Variants in CDH6 observed in about 807,000 individuals in gnomAD.
The protein encoded by CDH6 is cadherin-6.
CDH6 carries 31 observed loss-of-function variants against 78.0 expected under a neutral mutation model. The observed-to-expected ratio is 0.40, with a 90% CI of 0.30 to 0.54. The LOEUF (loss-of-function observed/expected upper bound fraction) is 0.54, where lower values mean the gene tolerates loss of function less well. Ranked by LOEUF, CDH6 falls within the 20% of genes least tolerant of loss-of-function variation. The pLI, the probability that CDH6 is intolerant of heterozygous loss-of-function variation, is 0.56. For synonymous variants in CDH6, 376 were observed against 368.8 expected (o/e 1.02, Z -0.23); for missense variants, 724 against 975.9 (o/e 0.74, Z 3.44).
At chr5:31,295,712 C>T (rs946557604) in intron 3 of CDH6, among the ~76,000 whole-genome samples, 23 of 152,116 alleles carry the variant, frequency 1.5e-4, no homozygotes, top group Admixed American at 1.5e-3. Flanking sequence ...GAATTTGAAA[C>T]TATCTCCACT....
chr5:31,305,270 G>A lies in CDH6; in HGVS notation c.1096G>A (p.Asp366Asn), dbSNP rs762277349. ...PRFLYLGPFK[D>N]SATVRIVVED... ...ATTTCTCTACTTGGGGCCTTTCAAAGATTCAGCCACGGTTAGAATTGTGGT... is the reference window on the plus strand; with the variant it reads ...ATTTCTCTACTTGGGGCCTTTCAAAAATTCAGCCACGGTTAGAATTGTGGT... Residue 366 changes from aspartate (D) to asparagine (N), a missense_variant, in exon 7 of 12, where the codon GAT (aspartate) becomes AAT (asparagine). Physicochemically the swap from Asp to Asn is conservative, Grantham distance 23. This residue lies in a region of CDH6 where 446 missense variants were observed against 684.5 expected (regional missense o/e 0.65). Coordinates refer to ENST00000265071, the MANE Select transcript of CDH6 (RefSeq NM_004932.4). 13 of 1,614,110 alleles carry A rather than the reference G, an allele frequency of 8.1e-6. No homozygotes were observed. The highest frequency in any genetic ancestry group is 8.5e-6 in the Non-Finnish European group (10 of 1,180,012).
chr5:31,246,436 A>G (rs1012088756), intron 1 of CDH6, among the ~76,000 whole-genome samples: 2 of 152,160 alleles, frequency 1.3e-5, no homozygotes, highest in African/African-American at 4.8e-5. Flanking sequence ...TCAATTGGGG[A>G]TGAAGTGGGA....
chr5:31,324,922 G>C lies in CDH6; in HGVS notation c.*1614G>C. The C allele has an allele frequency of 5.0e-6, 1 of 199,146 alleles. No homozygotes were observed. Among genetic ancestry groups the C allele is most frequent in the Non-Finnish European group, 1.0e-5 (1 of 96,722 alleles). The allele number at this position is 199,146 out of a possible 1,614,324, so 12.3% of individuals were successfully genotyped here. On this transcript the variant is annotated 3_prime_UTR_variant, in exon 12 of 12. Coordinates refer to ENST00000265071, the MANE Select transcript of CDH6 (RefSeq NM_004932.4). Reference sequence around the variant, plus strand: ...TTTGAAAACCTAAAAGACAGGCTCTGTATATATATATACTTAAGAATATGC... The same window carrying C: ...TTTGAAAACCTAAAAGACAGGCTCTCTATATATATATACTTAAGAATATGC...
At position 31,323,967 on chromosome 5, in the gene CDH6, T is replaced by C. The variant is rs1738549222; in HGVS notation, c.*659T>C. 1 of 228,284 alleles carries C rather than the reference T, an allele frequency of 4.4e-6. No homozygotes were observed. Among genetic ancestry groups the C allele is most frequent in the Non-Finnish European group, 8.7e-6 (1 of 114,946 alleles). 14.1% of individuals were successfully genotyped at this position (228,284 alleles called of 1,614,324 possible). A position where few individuals can be genotyped will look rare whatever the true frequency, so the allele number is the denominator to read the frequency against. ...CACAAACCTAGTACGACTTCATTCC[T>C]TCCACTAACTCATAGTTTGTTATAT... On this transcript the variant is annotated 3_prime_UTR_variant, in exon 12 of 12. Coordinates refer to ENST00000265071, the MANE Select transcript of CDH6 (RefSeq NM_004932.4).
intron 1 of CDH6, among the ~76,000 whole-genome samples, chr5:31,258,892 C>T (rs1474553741): frequency 6.6e-6 from 1 of 152,158 alleles, no homozygotes; most frequent in African/African-American, 2.4e-5. Context: ...CACACACCCC[C>T]TTAGAGTGCA....
At chr5:31,222,642 T>C (rs545135184) in intron 1 of CDH6, among the ~76,000 whole-genome samples, 5 of 152,250 alleles carry the variant, frequency 3.3e-5, no homozygotes, top group African/African-American at 1.2e-4. Flanking sequence ...AAAACATAAG[T>C]ATATATTTAC....
At chr5:31,230,306 A>T (rs566124509) in intron 1 of CDH6, among the ~76,000 whole-genome samples, 1 of 152,310 alleles carries the variant, frequency 6.6e-6, no homozygotes, top group East Asian at 1.9e-4. Flanking sequence ...AGACATAGAG[A>T]ACTCACTAGG....
intron 1 of CDH6, chr5:31,251,946 C>A (rs375640321): frequency 1.3e-5 from 2 of 152,154 alleles, no homozygotes; most frequent in Admixed American, 6.5e-5. Flanking sequence ...ATAAAGACTG[C>A]GCCTAATTTC....
intron 1 of CDH6, among the ~76,000 whole-genome samples, chr5:31,207,939 G>A (rs1311383636): frequency 2.0e-5 from 3 of 152,128 alleles, no homozygotes; most frequent in East Asian, 1.9e-4. Flanking sequence ...CCAGGCCGTC[G>A]GGGCTACAAA....
At chr5:31,218,809 G>A (rs186668694) in intron 1 of CDH6, among the ~76,000 whole-genome samples, 2 of 152,128 alleles carry the variant, frequency 1.3e-5, no homozygotes, top group African/African-American at 2.4e-5. Context: ...TTAAGTCAGA[G>A]CATGTTACTC....
intron 1 of CDH6, among the ~76,000 whole-genome samples, chr5:31,248,073 G>C (rs956256942): frequency 6.6e-6 from 1 of 152,044 alleles, no homozygotes; most frequent in African/African-American, 2.4e-5. Context: ...TGTTTTAAAG[G>C]TTTTTATTAA....
At chr5:31,203,247 T>A (rs890842014) in intron 1 of CDH6, among the ~76,000 whole-genome samples, 15 of 76,324 alleles carry the variant, frequency 2.0e-4, no homozygotes, top group African/African-American at 6.6e-4. Flanking sequence ...TTTTTTTTTA[T>A]TTATTTTTTA....
intron 1 of CDH6, among the ~76,000 whole-genome samples, chr5:31,226,372 A>T (rs1315437587): frequency 6.6e-6 from 1 of 152,092 alleles, no homozygotes; most frequent in Non-Finnish European, 1.5e-5. Context: ...ACGAGGTTTC[A>T]CCATGTTGGC....
At chr5:31,210,724 T>G (rs1740680494) in intron 1 of CDH6, among the ~76,000 whole-genome samples, 1 of 152,186 alleles carries the variant, frequency 6.6e-6, no homozygotes, top group Non-Finnish European at 1.5e-5. Context: ...AACTCTAAAT[T>G]ACTTATAATA....
At chr5:31,207,873 G>T (rs1442042231) in intron 1 of CDH6, among the ~76,000 whole-genome samples, 1 of 152,206 alleles carries the variant, frequency 6.6e-6, no homozygotes, top group African/African-American at 2.4e-5. Flanking sequence ...ACACCCAACA[G>T]AAGGGAAATA....
At chr5:31,243,646 C>T (rs936686735) in intron 1 of CDH6, among the ~76,000 whole-genome samples, 1 of 152,144 alleles carries the variant, frequency 6.6e-6, no homozygotes, top group Non-Finnish European at 1.5e-5. Context: ...TCCCTGAGAA[C>T]AACTTCTCTC....
At chr5:31,254,930 G>A (rs560117850) in intron 1 of CDH6, among the ~76,000 whole-genome samples, 1 of 152,288 alleles carries the variant, frequency 6.6e-6, no homozygotes, top group African/African-American at 2.4e-5. Flanking sequence ...TAAAGAAAGT[G>A]TAAAAGTTGG....
At chr5:31,238,445 G>A (rs979667623) in intron 1 of CDH6, among the ~76,000 whole-genome samples, 1 of 152,160 alleles carries the variant, frequency 6.6e-6, no homozygotes, top group Non-Finnish European at 1.5e-5. Flanking sequence ...TACTTTCCAT[G>A]GAGCTATCTT....
intron 6 of CDH6, 70 bp downstream of exon 6, chr5:31,302,368 G>A (rs1323362248): frequency 3.6e-6 from 4 of 1,099,198 alleles, no homozygotes; most frequent in African/African-American, 3.1e-5. Context: ...AGTTACCAGG[G>A]GCAATTATAT....
Sources: gnomAD v4.1 joint callset for allele counts (sites outside exome capture counted in the v4.1 genomes callset) on GRCh38, gnomAD v4.1.1 for gene constraint, gnomAD v4.1.1 regional missense constraint, MANE v1.5 for transcripts, NCBI Gene and HGNC (gene_info 2026-07-23, HGNC 2026-07-21) for gene names.